Variants in SLC30A6 observed in about 807,000 individuals in gnomAD.
SLC30A6 encodes the protein solute carrier family 30 member 6, also known as zinc transporter 6.
A neutral mutation model predicts 63.0 loss-of-function variants in SLC30A6; 55 were observed. That is an observed-to-expected ratio of 0.87 (90% CI 0.70 to 1.09). SLC30A6 has a LOEUF of 1.09. Ranked by LOEUF, SLC30A6 falls within the 50% of genes least tolerant of loss-of-function variation. SLC30A6 has a pLI of 0.00. For synonymous variants in SLC30A6, 224 were observed against 186.1 expected, an observed-to-expected ratio of 1.20 and a Z score of -1.66; for missense variants, 587 against 549.2, an observed-to-expected ratio of 1.07 and a Z score of -0.69.
In SLC30A6 at chr2:32,204,628, T is replaced by C. The variant is rs746694339; in HGVS notation, c.704T>C (p.Ile235Thr). The change falls in exon 11 of 14, where the codon ATT (isoleucine) becomes ACT (threonine). Residue 235 changes from isoleucine (I) to threonine (T), a missense_variant. Coordinates refer to ENST00000282587, the MANE Select transcript of SLC30A6 (RefSeq NM_017964.5). ...GTAGACACTGCCTCTGCTATAGCTA[T>C]TGCCTTGATGACATTTGGCACTATG... ...FAVDTASAIA[I>T]ALMTFGTMYP... 2 of 1,612,512 alleles carry C rather than the reference T, an allele frequency of 1.2e-6. No homozygotes were observed. The highest frequency in any genetic ancestry group is 1.7e-6 in the Non-Finnish European group (2 of 1,179,128).
chr2:32,215,962 T>C (rs1050486610), intron 13 of SLC30A6, among the ~76,000 whole-genome samples: 1 of 152,170 alleles, frequency 6.6e-6, no homozygotes, highest in African/African-American at 2.4e-5. Context: ...TCCTAGGTGT[T>C]ATTGGGCACC....
chr2:32,192,887 G>A (rs763199297), intron 6 of SLC30A6, 31 bp from the exon 7 acceptor site: 1 of 1,366,202 alleles, frequency 7.3e-7, no homozygotes, highest in South Asian at 1.5e-5. Context: ...TAATTTATAG[G>A]ACTTATTTAA....
chr2:32,220,958 T>A lies in SLC30A6; in HGVS notation c.*245T>A. The stretch of plus-strand genomic sequence containing the variant: ...AAAATGTGTTTCTTTAAATTTGGAT[T>A]TTGGTATCTTTGGTTTTGTAGTTGA... On this transcript the variant is annotated 3_prime_UTR_variant, in exon 14 of 14. Coordinates refer to ENST00000282587, the MANE Select transcript of SLC30A6 (RefSeq NM_017964.5). 1 of 418,006 alleles carries A rather than the reference T, an allele frequency of 2.4e-6. No homozygotes were observed. The highest frequency in any genetic ancestry group is 4.3e-6 in the Non-Finnish European group (1 of 231,868). The allele number at this position is 418,006 out of a possible 1,614,324, so 25.9% of individuals were successfully genotyped here.
chr2:32,198,340 G>A (rs949624310), intron 10 of SLC30A6, among the ~76,000 whole-genome samples: 2 of 152,052 alleles, frequency 1.3e-5, no homozygotes, highest in Non-Finnish European at 2.9e-5. Flanking sequence ...GCAAGTATTT[G>A]TTTTTGTTTG....
intron 10 of SLC30A6, among the ~76,000 whole-genome samples, chr2:32,198,495 C>G: frequency 6.6e-6 from 1 of 152,176 alleles, no homozygotes; most frequent in South Asian, 2.1e-4. Context: ...CTTCTATCTC[C>G]CATCTCAGTG....
chr2:32,211,067 T>C (rs996080250), intron 13 of SLC30A6, among the ~76,000 whole-genome samples: 1 of 152,214 alleles, frequency 6.6e-6, no homozygotes, highest in African/African-American at 2.4e-5. Flanking sequence ...ATTTTCTCGC[T>C]CTTTGCCTGC....
chr2:32,204,616 C>G lies in SLC30A6; in HGVS notation c.692C>G (p.Ser231Cys), dbSNP rs778983231. The G allele has an allele frequency of 1.2e-6, 2 of 1,611,784 alleles. No homozygotes were observed. Among genetic ancestry groups the G allele is most frequent in the Middle Eastern group, 1.6e-4 (1 of 6,072 alleles). Residue 231 changes from serine to cysteine, a missense_variant, in exon 11 of 14, where the codon TCT becomes TGT. Physicochemically the swap from Ser to Cys is moderately radical, Grantham distance 112. Transcript: ENST00000282587. ...INNYFAVDTA[S>C]AIAIALMTFG... The stretch of plus-strand genomic sequence containing the variant: ...AATTATTTTGCCGTAGACACTGCCT[C>G]TGCTATAGCTATTGCCTTGATGACA...
intron 4 of SLC30A6, among the ~76,000 whole-genome samples, chr2:32,178,489 T>G (rs1490972363): frequency 1.3e-5 from 2 of 152,164 alleles, no homozygotes; most frequent in East Asian, 1.9e-4. Context: ...GCCTGACTAA[T>G]ATGACAAAAC....
At chr2:32,195,233 G>T (rs1196658585) in intron 8 of SLC30A6, among the ~76,000 whole-genome samples, 1 of 151,582 alleles carries the variant, frequency 6.6e-6, no homozygotes, top group African/African-American at 2.4e-5. Flanking sequence ...ATGCCTGGCT[G>T]ATTTTTGTAT....
chr2:32,193,842 A>T, intron 7 of SLC30A6, 47 bp from the exon 8 acceptor site: 1 of 1,473,306 alleles, frequency 6.8e-7, no homozygotes, highest in Middle Eastern at 1.7e-4. Context: ...ACATACTGAT[A>T]ATACCAAGAA....
chr2:32,181,050 T>G (rs1387195624), intron 4 of SLC30A6, among the ~76,000 whole-genome samples: 1 of 152,232 alleles, frequency 6.6e-6, no homozygotes, highest in Non-Finnish European at 1.5e-5. Flanking sequence ...GAATTTTAAG[T>G]GTTAATAAAT....
chr2:32,209,410 T>G, intron 12 of SLC30A6, 83 bp from the exon 13 acceptor site: 1 of 1,105,230 alleles, frequency 9.0e-7, no homozygotes, highest in Non-Finnish European at 1.3e-6. Context: ...TTCTTAAGTT[T>G]AAACTAAGTC....
intron 13 of SLC30A6, among the ~76,000 whole-genome samples, chr2:32,210,156 C>T (rs899990710): frequency 6.6e-6 from 1 of 152,152 alleles, no homozygotes; most frequent in African/African-American, 2.4e-5. Context: ...GCACTATAAT[C>T]TTATCATCTA....
chr2:32,178,512 A>G (rs1039736926), intron 4 of SLC30A6, among the ~76,000 whole-genome samples: 3 of 152,104 alleles, frequency 2.0e-5, no homozygotes, highest in Non-Finnish European at 4.4e-5. Flanking sequence ...CATCTCTACT[A>G]AAATACAAAA....
intron 11 of SLC30A6, among the ~76,000 whole-genome samples, chr2:32,205,528 T>G (rs1262745217): frequency 6.6e-6 from 1 of 152,110 alleles, no homozygotes; most frequent in African/African-American, 2.4e-5. Context: ...CAATAATCTC[T>G]GACATTCATA....
intron 8 of SLC30A6, among the ~76,000 whole-genome samples, chr2:32,194,246 A>G (rs1683583899): frequency 6.6e-6 from 1 of 152,224 alleles, no homozygotes; most frequent in African/African-American, 2.4e-5. Context: ...AATTACATTT[A>G]CCAAATAATG....
chr2:32,176,018 C>T (rs1182310654), intron 4 of SLC30A6, among the ~76,000 whole-genome samples: 1 of 152,000 alleles, frequency 6.6e-6, no homozygotes, highest in Non-Finnish European at 1.5e-5. Context: ...GTTAAAAACT[C>T]TAGGTAGCAA....
chr2:32,167,020 T>G (rs545756047), intron 1 of SLC30A6, among the ~76,000 whole-genome samples: 81 of 152,258 alleles, frequency 5.3e-4, no homozygotes, highest in African/African-American at 1.9e-3. Flanking sequence ...TAAAGTCCTG[T>G]TTAGCATGGC....
chr2:32,167,382 C>CTTTTTTT (rs11293465), intron 1 of SLC30A6, among the ~76,000 whole-genome samples: 1 of 132,538 alleles, frequency 7.5e-6, no homozygotes, highest in Non-Finnish European at 1.6e-5. Flanking sequence ...GCCACAAACT[C>CTTTTTTT]TTTTTTTTTT....
Sources: gnomAD v4.1 joint callset for allele counts (sites outside exome capture counted in the v4.1 genomes callset) on GRCh38, gnomAD v4.1.1 for gene constraint, MANE v1.5 for transcripts, NCBI Gene and HGNC (gene_info 2026-07-23, HGNC 2026-07-21) for gene names.